Variants in ADAMTS16 observed in about 807,000 individuals in gnomAD.
ADAMTS16 encodes the protein A disintegrin and metalloproteinase with thrombospondin motifs 16.
A neutral mutation model predicts 145.8 loss-of-function variants in ADAMTS16; 94 were observed. That is an observed-to-expected ratio of 0.64 (90% CI 0.55 to 0.77). The LOEUF (loss-of-function observed/expected upper bound fraction) is 0.77. Among genes scored for constraint, ADAMTS16 ranks in the 30% least tolerant of loss-of-function variants. The pLI is 0.00. For missense variants in ADAMTS16, 1,585 were observed against 1,591.5 expected (o/e 1.00, Z 0.07); for synonymous variants, 659 against 604.3 (o/e 1.09, Z -1.33).
chr5:5,318,959 T>C (rs1734168252), intron 22 of ADAMTS16, 64 bp from the exon 23 acceptor site: 2 of 1,228,046 alleles, frequency 1.6e-6, no homozygotes, highest in Non-Finnish European at 1.2e-6. Flanking sequence ...GACAGAGCTA[T>C]TAGCTGGCAA....
In ADAMTS16 at chr5:5,232,437, G is replaced by A. The variant is rs1418819406; in HGVS notation, c.1771G>A (p.Asp591Asn). 1.9e-6 allele frequency: 3 copies of A among 1,613,982 alleles called. No individual in the cohort carries two copies. Among genetic ancestry groups the A allele is most frequent in the Middle Eastern group, 1.6e-4 (1 of 6,062 alleles). ...CAAGCCCACCCATGGCCACTGGTCG[G>A]ACTGGTCTTCTTGGTCCCCATGCTC... Reference protein sequence around the residue: ...GPKPTHGHWSDWSSWSPCSRT... With the variant: ...GPKPTHGHWSNWSSWSPCSRT... The change falls in exon 12 of 23, where the codon GAC becomes AAC. Residue 591 changes from aspartate to asparagine, a missense_variant. By Grantham distance (23) the Asp-to-Asn change is conservative (BLOSUM62 1). This residue lies in a region of ADAMTS16 where 298 missense variants were observed against 367.6 expected (regional missense o/e 0.81). Coordinates refer to ENST00000274181, the MANE Select transcript of ADAMTS16 (RefSeq NM_139056.4).
At chr5:5,205,350 G>T (rs1736071880) in intron 9 of ADAMTS16, among the ~76,000 whole-genome samples, 1 of 151,088 alleles carries the variant, frequency 6.6e-6, no homozygotes, top group South Asian at 2.1e-4. Context: ...TCCCAAAGTT[G>T]CAAAGGTGTT....
At chr5:5,246,103 A>G (rs867862128) in intron 17 of ADAMTS16, among the ~76,000 whole-genome samples, 19 of 152,186 alleles carry the variant, frequency 1.2e-4, no homozygotes, top group South Asian at 2.1e-4. Context: ...TCAAAACATC[A>G]GTTTTTTCTC....
intron 3 of ADAMTS16, among the ~76,000 whole-genome samples, chr5:5,152,548 T>C (rs1734502529): frequency 6.6e-6 from 1 of 152,122 alleles, no homozygotes; most frequent in South Asian, 2.1e-4. Context: ...GTGGCTTGCC[T>C]CCCCTGTAGT....
At chr5:5,236,222 G>A (rs1311556454) in intron 13 of ADAMTS16, among the ~76,000 whole-genome samples, 1 of 151,842 alleles carries the variant, frequency 6.6e-6, no homozygotes, top group African/African-American at 2.4e-5. Flanking sequence ...TGAATGATAA[G>A]GAAAATATCT....
In ADAMTS16 at chr5:5,146,378, G is replaced by A. The variant is rs1330180098; in HGVS notation, c.424G>A (p.Glu142Lys). The change falls in exon 3 of 23, where the codon GAG (glutamate) becomes AAG (lysine). Residue 142 changes from glutamate to lysine, a missense_variant. Glu to Lys is a moderately conservative substitution (Grantham distance 56). Around this residue, in one of 3 missense-constraint regions of ADAMTS16, gnomAD observed 453 missense variants for 412.1 expected, o/e 1.10. Coordinates refer to ENST00000274181, the MANE Select transcript of ADAMTS16 (RefSeq NM_139056.4). ...GTKSVQTLPPEDFCFYQGSLR... is the reference protein window; with the variant it reads ...GTKSVQTLPPKDFCFYQGSLR... ...TAAGTCTGTGCAGACTTTACCGCCA[G>A]AGGACTTCTGTTTCTATCAAGGCTC... The A allele has an allele frequency of 6.2e-7, 1 of 1,614,136 alleles. No homozygotes were observed. Among genetic ancestry groups the A allele is most frequent in the African/African-American group, 1.3e-5 (1 of 75,068 alleles).
intron 21 of ADAMTS16, among the ~76,000 whole-genome samples, chr5:5,316,534 A>G (rs759804075): frequency 6.6e-6 from 1 of 152,002 alleles, no homozygotes; most frequent in African/African-American, 2.4e-5. Context: ...CCACTGATTT[A>G]TTTTCAGTGG....
At chr5:5,157,411 T>TAA (rs5865594) in intron 3 of ADAMTS16, among the ~76,000 whole-genome samples, 1 of 151,276 alleles carries the variant, frequency 6.6e-6, no homozygotes, top group Admixed American at 6.6e-5. Flanking sequence ...GGATAAAACT[T>TAA]AAAAAAAAAT....
intron 3 of ADAMTS16, among the ~76,000 whole-genome samples, chr5:5,170,540 G>C (rs1207361657): frequency 6.6e-6 from 1 of 151,476 alleles, no homozygotes; most frequent in Non-Finnish European, 1.5e-5. Context: ...CATCATACCC[G>C]GCTAATTTTA....
intron 9 of ADAMTS16, among the ~76,000 whole-genome samples, chr5:5,208,773 A>G (rs547535879): frequency 1.3e-5 from 2 of 152,306 alleles, no homozygotes; most frequent in South Asian, 4.1e-4. Context: ...GATGTCCATC[A>G]TAAGAGCTTC....
At chr5:5,234,304 G>T (rs905060379) in intron 12 of ADAMTS16, among the ~76,000 whole-genome samples, 18 of 152,174 alleles carry the variant, frequency 1.2e-4, no homozygotes, top group African/African-American at 4.1e-4. Flanking sequence ...AAGAAATTTT[G>T]GTCTTGAAAG....
chr5:5,141,646 TC>T (rs1410792338), intron 2 of ADAMTS16, among the ~76,000 whole-genome samples: 4 of 152,256 alleles, frequency 2.6e-5, no homozygotes, highest in Non-Finnish European at 4.4e-5. Context: ...GGTTTCATTC[TC>T]TCAATGTATT....
intron 20 of ADAMTS16, 26 bp downstream of exon 20, chr5:5,303,792 G>A (rs778111364): frequency 3.0e-5 from 49 of 1,606,822 alleles, no homozygotes; most frequent in Non-Finnish European, 3.6e-5. Context: ...TCGCGGGAGC[G>A]AGGTTGACTA....
chr5:5,207,978 C>A (rs139104430), intron 9 of ADAMTS16, among the ~76,000 whole-genome samples: 208 of 152,156 alleles, frequency 1.4e-3, no homozygotes, highest in African/African-American at 4.8e-3. Flanking sequence ...ATAAGAAAAG[C>A]TTTCTTTTCT....
intron 21 of ADAMTS16, among the ~76,000 whole-genome samples, chr5:5,309,968 C>T (rs1483227426): frequency 6.6e-6 from 1 of 152,054 alleles, no homozygotes; most frequent in Admixed American, 6.6e-5. Flanking sequence ...GCCAGGTCCC[C>T]TAGTAACCAA....
intron 18 of ADAMTS16, among the ~76,000 whole-genome samples, chr5:5,268,424 C>A (rs1738330914): frequency 6.6e-6 from 1 of 152,204 alleles, no homozygotes; most frequent in Non-Finnish European, 1.5e-5. Context: ...TCGGTCACCA[C>A]AGCTACTGCA....
intron 17 of ADAMTS16, among the ~76,000 whole-genome samples, chr5:5,253,053 A>C (rs1737675379): frequency 6.6e-6 from 1 of 152,122 alleles, no homozygotes; most frequent in Non-Finnish European, 1.5e-5. Flanking sequence ...CATAATCTTA[A>C]ACTCTTCTTT....
At chr5:5,241,998 T>C in intron 16 of ADAMTS16, 55 bp from the exon 17 acceptor site, 2 of 1,599,222 alleles carry the variant, frequency 1.3e-6, no homozygotes, top group South Asian at 2.2e-5. Flanking sequence ...CGTTAGCATG[T>C]ACTTGCTGGT....
intron 17 of ADAMTS16, among the ~76,000 whole-genome samples, chr5:5,258,148 G>A (rs2913652): frequency 0.99 from 151,153 of 152,316 alleles, 75,006 homozygotes; most frequent in Middle Eastern, 1. Flanking sequence ...GAATGACATC[G>A]GAATGATTGA....
Sources: gnomAD v4.1 joint callset for allele counts (sites outside exome capture counted in the v4.1 genomes callset) on GRCh38, gnomAD v4.1.1 for gene constraint, gnomAD v4.1.1 regional missense constraint, MANE v1.5 for transcripts, NCBI Gene and HGNC (gene_info 2026-07-23, HGNC 2026-07-21) for gene names.